GRIK1: variants seen among roughly 807,000 people sequenced by gnomAD.
GRIK1 encodes the protein glutamate receptor ionotropic, kainate 1.
In GRIK1, 69 loss-of-function variants were observed where a neutral mutation model predicts 105.7. The ratio of observed to expected loss-of-function variants is 0.65; its 90% CI spans 0.54 to 0.80. GRIK1 has a LOEUF of 0.80. GRIK1 is among the 30% of genes least tolerant of loss of function. GRIK1 has a pLI of 0.00. For missense variants in GRIK1, 1,109 were observed against 1,167.3 expected (o/e 0.95, Z 0.73); for synonymous variants, 438 against 431.3 (o/e 1.02, Z -0.19).
intron 1 of GRIK1, among the ~76,000 whole-genome samples, chr21:29,884,431 T>C (rs891310194): frequency 1.2e-4 from 18 of 152,034 alleles, no homozygotes; most frequent in Non-Finnish European, 2.4e-4. Context: ...TTTTTCCATA[T>C]GAGGACTTTC....
Position 29,621,393 on chromosome 21 carries a change from G to GGT in GRIK1, c.1098+21431_1098+21432dup, listed in dbSNP as rs140835951. Among the ~76,000 whole-genome samples the GGT allele has an allele frequency of 1.5e-3, 223 of 149,486 alleles. 1 individual carries two copies. The East Asian group carries it at 0.016, about 10-fold the overall frequency. ...ATATAAATATTCATTGGGCCTGAGG[G>GGT]GTGTGTGTGTGTGTGTGTGGGGAAG... On this transcript the variant is annotated intron_variant, in intron 7 of 17. Coordinates refer to ENST00000327783, the MANE Select transcript of GRIK1 (RefSeq NM_001330994.2).
intron 1 of GRIK1, among the ~76,000 whole-genome samples, chr21:29,908,763 C>T (rs949290227): frequency 6.6e-6 from 1 of 152,094 alleles, no homozygotes; most frequent in African/African-American, 2.4e-5. Flanking sequence ...AATTACAACT[C>T]GATTTTTCCA....
In GRIK1 at chr21:29,580,189, A is replaced by C. The variant is rs2090997786; in HGVS notation, c.1912+1236T>G. 2.0e-5 allele frequency among the ~76,000 whole-genome samples: 3 copies of C among 149,194 alleles called. No homozygotes were observed. In the South Asian group the frequency reaches 6.3e-4, roughly 31 times the overall value. On this transcript the variant is annotated intron_variant, in intron 13 of 17. Transcript: ENST00000327783. ...TATATATATATGTATATATTTTCTA[A>C]TGTCAGAGAAGACAAGCTATAGGGA...
At chr21:29,912,212 G>A (rs1569212572) in intron 1 of GRIK1, among the ~76,000 whole-genome samples, 1 of 152,104 alleles carries the variant, frequency 6.6e-6, no homozygotes, top group East Asian at 1.9e-4. Flanking sequence ...AAATCCAAAG[G>A]GCATCAGCCT....
rs554665265 is a variant in GRIK1 at position 29,648,855 on chromosome 21, A to G, written c.954+2263T>C. The stretch of plus-strand genomic sequence containing the variant: ...ATAAGTGAGACTTCAAGGCAGGGGG[A>G]CAGCAAGTGCTTGATGTGCAAGAAT... On this transcript the variant is annotated intron_variant, in intron 6 of 17. Transcript: ENST00000327783. Among the ~76,000 whole-genome samples, 21 of 152,234 alleles carry G rather than the reference A, an allele frequency of 1.4e-4. No homozygotes were observed. The South Asian group carries it at 4.2e-3, about 30-fold the overall frequency.
In GRIK1 at chr21:29,651,161, G is replaced by A; in HGVS notation, c.911C>T (p.Ala304Val). The A allele has an allele frequency of 6.2e-7, 1 of 1,613,810 alleles. No individual in the cohort carries two copies. Among genetic ancestry groups the A allele is most frequent in the Non-Finnish European group, 8.5e-7 (1 of 1,179,780 alleles). The change falls in exon 6 of 18, where the codon GCC becomes GTC. Residue 304 changes from alanine (A) to valine (V), a missense_variant. Physicochemically the swap from Ala to Val is moderately conservative, Grantham distance 64. Transcript: ENST00000327783. ...AAGGCCAGTCTCGGGCCTGGGTGGG[G>A]CCTGCAGTCTCTCCATGGACCACTT... ...IEKWSMERLQ[A>V]PPRPETGLLD...
At chr21:29,780,679 T>A (rs1390328730) in intron 1 of GRIK1, among the ~76,000 whole-genome samples, 1 of 152,198 alleles carries the variant, frequency 6.6e-6, no homozygotes, top group Admixed American at 6.5e-5. Flanking sequence ...TTTTATCACT[T>A]GATTTCAAGC....
At chr21:29,795,838 T>A (rs1188995705) in intron 1 of GRIK1, among the ~76,000 whole-genome samples, 1 of 152,218 alleles carries the variant, frequency 6.6e-6, no homozygotes, top group East Asian at 1.9e-4. Context: ...TTTCTTTTGA[T>A]AGTGAGGCTA....
intron 12 of GRIK1, chr21:29,582,420 C>T (rs578100840): frequency 2.2e-5 from 9 of 407,722 alleles, no homozygotes; most frequent in Non-Finnish European, 4.0e-5. Context: ...GGGCAGTAAA[C>T]GTTTCTGGAA....
intron 1 of GRIK1, among the ~76,000 whole-genome samples, chr21:29,858,489 G>A (rs911584911): frequency 5.3e-5 from 8 of 152,170 alleles, no homozygotes; most frequent in Non-Finnish European, 2.9e-5. Flanking sequence ...CCCGGCGGCT[G>A]TTCCTATGGG....
chr21:29,834,969 G>T (rs944873226), intron 1 of GRIK1, among the ~76,000 whole-genome samples: 1 of 151,590 alleles, frequency 6.6e-6, no homozygotes, highest in South Asian at 2.1e-4. Flanking sequence ...CTTTAGCACA[G>T]GTTTGGCTCT....
At chr21:29,834,691 T>C (rs925879310) in intron 1 of GRIK1, among the ~76,000 whole-genome samples, 5 of 151,294 alleles carry the variant, frequency 3.3e-5, no homozygotes, top group African/African-American at 1.2e-4. Context: ...TACATCATAG[T>C]TCTTGAAAGT....
intron 1 of GRIK1, among the ~76,000 whole-genome samples, chr21:29,770,498 A>T (rs895650647): frequency 6.6e-6 from 1 of 152,250 alleles, no homozygotes; most frequent in Non-Finnish European, 1.5e-5. Flanking sequence ...ATGCACATGT[A>T]GCCACCACTG....
chr21:29,549,896 C>A (rs947199230), intron 16 of GRIK1, among the ~76,000 whole-genome samples: 2 of 151,670 alleles, frequency 1.3e-5, no homozygotes, highest in Admixed American at 1.3e-4. Context: ...CACCTGAGGT[C>A]AGGAGTTTGA....
Position 29,836,924 on chromosome 21 carries a change from T to C in GRIK1, c.118+102459A>G, listed in dbSNP as rs559606798. Among the ~76,000 whole-genome samples, 9 of 152,338 alleles carry C rather than the reference T, an allele frequency of 5.9e-5. 1 individual carries two copies. The South Asian group carries it at 6.2e-4, about 11-fold the overall frequency. ...GGAGCCAAGAAAATTATGCTTTAGA[T>C]ATTGCCCACAGTTTTAGAGATAAAG... On this transcript the variant is annotated intron_variant, in intron 1 of 17. Transcript: ENST00000327783.
chr21:29,719,753 A>G (rs1278497938), intron 1 of GRIK1, among the ~76,000 whole-genome samples: 2 of 152,202 alleles, frequency 1.3e-5, no homozygotes, highest in Non-Finnish European at 2.9e-5. Flanking sequence ...ACTGTTTCCC[A>G]AGGGGATCAG....
At chr21:29,647,598 G>A (rs997908362) in intron 6 of GRIK1, among the ~76,000 whole-genome samples, 1 of 152,164 alleles carries the variant, frequency 6.6e-6, no homozygotes, top group Non-Finnish European at 1.5e-5. Context: ...ATGTTTGGTT[G>A]TTCCCCTGAC....
At chr21:29,927,812 A>C (rs902698243) in intron 1 of GRIK1, among the ~76,000 whole-genome samples, 1 of 152,154 alleles carries the variant, frequency 6.6e-6, no homozygotes, top group Non-Finnish European at 1.5e-5. Flanking sequence ...TGGAGGTTGC[A>C]GTGAGCCAAG....
At chr21:29,834,352 T>C (rs1424981053) in intron 1 of GRIK1, among the ~76,000 whole-genome samples, 23 of 149,196 alleles carry the variant, frequency 1.5e-4, no homozygotes, top group Non-Finnish European at 4.4e-5. Flanking sequence ...GTATTACATA[T>C]ATATTATATA....
Sources: gnomAD v4.1 joint callset for allele counts (sites outside exome capture counted in the v4.1 genomes callset) on GRCh38, gnomAD v4.1.1 for gene constraint, MANE v1.5 for transcripts, NCBI Gene and HGNC (gene_info 2026-07-23, HGNC 2026-07-21) for gene names.